Variants in GABRB2 observed in about 807,000 individuals in gnomAD.
GABRB2 encodes gamma-aminobutyric acid type A receptor subunit beta2, also known as gamma-aminobutyric acid receptor subunit beta-2.
In GABRB2, 16 loss-of-function variants were observed where a neutral mutation model predicts 54.7. The observed-to-expected ratio is 0.29, with a 90% confidence interval of 0.20 to 0.44. The LOEUF (loss-of-function observed/expected upper bound fraction) is 0.44, where lower values mean the gene tolerates loss of function less well. GABRB2 is among the 20% of genes least tolerant of loss of function. The pLI is 1.00. For synonymous variants in GABRB2, 244 were observed against 233.8 expected (o/e 1.04, Z -0.40); for missense variants, 355 against 644.0 (o/e 0.55, Z 4.86).
chr5:161,359,354 A>G (rs966160955), intron 5 of GABRB2, among the ~76,000 whole-genome samples: 1 of 152,112 alleles, frequency 6.6e-6, no homozygotes, highest in African/African-American at 2.4e-5. Context: ...ATAAACTTCT[A>G]TAAACCTAAA....
intron 9 of GABRB2, 43 bp from the exon 10 acceptor site, chr5:161,294,471 C>A: frequency 6.5e-7 from 1 of 1,545,840 alleles, no homozygotes; most frequent in South Asian, 1.1e-5. Flanking sequence ...AACAATGAAG[C>A]TTTACAGGTG....
intron 7 of GABRB2, among the ~76,000 whole-genome samples, chr5:161,331,903 C>T (rs1753854989): frequency 6.6e-6 from 1 of 151,964 alleles, no homozygotes; most frequent in East Asian, 1.9e-4. Flanking sequence ...CGGTGGCTCA[C>T]GCTTGTAATC....
At chr5:161,412,786 T>C (rs1212056512) in intron 4 of GABRB2, among the ~76,000 whole-genome samples, 2 of 152,206 alleles carry the variant, frequency 1.3e-5, no homozygotes, top group Admixed American at 1.3e-4. Context: ...AAATGACCTT[T>C]TCTGAGAGTC....
At chr5:161,539,493 A>G (rs1340160535) in intron 3 of GABRB2, among the ~76,000 whole-genome samples, 1 of 152,232 alleles carries the variant, frequency 6.6e-6, no homozygotes, top group Non-Finnish European at 1.5e-5. Context: ...TTTATATCCA[A>G]TAGAGCTACT....
At chr5:161,394,274 A>G (rs1755926991) in intron 5 of GABRB2, among the ~76,000 whole-genome samples, 2 of 152,038 alleles carry the variant, frequency 1.3e-5, no homozygotes, top group Non-Finnish European at 2.9e-5. Flanking sequence ...AAGATTTCAA[A>G]TCGGTGGCTC....
chr5:161,366,884 G>T (rs945917240), intron 5 of GABRB2, among the ~76,000 whole-genome samples: 1 of 152,130 alleles, frequency 6.6e-6, no homozygotes, highest in Non-Finnish European at 1.5e-5. Context: ...GAAGGCAAAG[G>T]TTGCAGTAAT....
chr5:161,374,105 C>G (rs1025649738), intron 5 of GABRB2, among the ~76,000 whole-genome samples: 1 of 151,916 alleles, frequency 6.6e-6, no homozygotes, highest in Non-Finnish European at 1.5e-5. Flanking sequence ...CCACCATGCC[C>G]TGCTAATTTT....
At chr5:161,541,888 A>C (rs1760829871) in intron 3 of GABRB2, among the ~76,000 whole-genome samples, 1 of 152,206 alleles carries the variant, frequency 6.6e-6, no homozygotes, top group African/African-American at 2.4e-5. Flanking sequence ...GGCTGCTTTG[A>C]GCAAGAGACC....
Position 161,486,900 on chromosome 5 carries a change from T to C in GABRB2, c.238-27056A>G, listed in dbSNP as rs180813454. 2.3e-3 allele frequency among the ~76,000 whole-genome samples: 349 copies of C among 152,098 alleles called. 2 individuals carry two copies. Among genetic ancestry groups the C allele is most frequent in the Non-Finnish European group, 3.5e-3 (241 of 67,924 alleles). Reference sequence around the variant, plus strand: ...ACATAGCTCATGTGCCACTAGCTTTTTGATATCCTCTGAAGTCAGGTAGAG... The same window carrying C: ...ACATAGCTCATGTGCCACTAGCTTTCTGATATCCTCTGAAGTCAGGTAGAG... On this transcript the variant is annotated intron_variant, in intron 3 of 9. Transcript: ENST00000393959.
At chr5:161,484,982 G>A (rs545153006) in intron 3 of GABRB2, among the ~76,000 whole-genome samples, 2 of 152,064 alleles carry the variant, frequency 1.3e-5, no homozygotes, top group East Asian at 2.0e-4. Flanking sequence ...AATATTGAAC[G>A]TCCTTAATTT....
At chr5:161,346,289 A>G (rs1460616075) in intron 5 of GABRB2, among the ~76,000 whole-genome samples, 1 of 152,124 alleles carries the variant, frequency 6.6e-6, no homozygotes, top group Non-Finnish European at 1.5e-5. Context: ...CCACTCTGCC[A>G]CAATTTTCTC....
intron 3 of GABRB2, among the ~76,000 whole-genome samples, chr5:161,499,875 G>A (rs1174068874): frequency 2.0e-5 from 3 of 151,998 alleles, no homozygotes; most frequent in Admixed American, 6.6e-5. Flanking sequence ...TTTAGAGAAA[G>A]TACTATATCT....
At chr5:161,354,672 C>G (rs1754565137) in intron 5 of GABRB2, among the ~76,000 whole-genome samples, 1 of 151,938 alleles carries the variant, frequency 6.6e-6, no homozygotes. Context: ...AACAAACAAA[C>G]AAAACACTAA....
At chr5:161,499,118 G>A (rs1428990032) in intron 3 of GABRB2, among the ~76,000 whole-genome samples, 1 of 151,954 alleles carries the variant, frequency 6.6e-6, no homozygotes, top group Non-Finnish European at 1.5e-5. Context: ...TGGCCCCCTG[G>A]ACCCACTTTA....
chr5:161,513,115 T>C (rs1446869633), intron 3 of GABRB2, among the ~76,000 whole-genome samples: 1 of 151,276 alleles, frequency 6.6e-6, no homozygotes, highest in Non-Finnish European at 1.5e-5. Context: ...AGGGAACGCT[T>C]ACACACTGTT....
At chr5:161,365,712 C>A (rs1754952585) in intron 5 of GABRB2, among the ~76,000 whole-genome samples, 1 of 152,100 alleles carries the variant, frequency 6.6e-6, no homozygotes, top group Non-Finnish European at 1.5e-5. Context: ...GCAGCAGAGC[C>A]ATGATTCTTT....
At position 161,293,894 on chromosome 5, in the gene GABRB2, C is replaced by A. The variant is rs1476224971; in HGVS notation, c.*187G>T. The A allele has an allele frequency of 1.7e-6, 1 of 582,822 alleles. No individual in the cohort carries two copies. Among genetic ancestry groups the A allele is most frequent in the Admixed American group, 3.0e-5 (1 of 32,948 alleles). 36.1% of individuals were successfully genotyped at this position (582,822 alleles called of 1,614,324 possible). A position where few individuals can be genotyped will look rare whatever the true frequency, so the allele number is the denominator to read the frequency against. On this transcript the variant is annotated 3_prime_UTR_variant, in exon 10 of 10. Transcript: ENST00000393959. ...CGTTTTAACTGGAAAACCACAAGGA[C>A]CTTAGTGTATTCATTACTTAGCAGA...
intron 4 of GABRB2, among the ~76,000 whole-genome samples, chr5:161,421,431 A>C (rs1561644258): frequency 6.6e-6 from 1 of 152,214 alleles, no homozygotes; most frequent in African/African-American, 2.4e-5. Flanking sequence ...ACGCAGCATC[A>C]GTAGATGGAG....
In GABRB2 at chr5:161,541,125, C is replaced by T. The variant is rs149531815; in HGVS notation, c.237+4102G>A. Among the ~76,000 whole-genome samples the T allele has an allele frequency of 9.4e-4, 142 of 151,764 alleles. 1 individual carries two copies. Among genetic ancestry groups the T allele is most frequent in the African/African-American group, 3.1e-3 (129 of 41,374 alleles). On this transcript the variant is annotated intron_variant, in intron 3 of 9. Coordinates refer to ENST00000393959, the MANE Select transcript of GABRB2 (RefSeq NM_001371727.1). ...CCTCCCAAACTGTTGGAATTACAGG[C>T]GTCAGCCATTGCACCTGGTTGAGCA...
Sources: gnomAD v4.1 joint callset for allele counts (sites outside exome capture counted in the v4.1 genomes callset) on GRCh38, gnomAD v4.1.1 for gene constraint, MANE v1.5 for transcripts, NCBI Gene and HGNC (gene_info 2026-07-23, HGNC 2026-07-21) for gene names.